ULK4: variants seen among roughly 807,000 people sequenced by gnomAD.
ULK4 encodes unc-51 like kinase 4.
Under a neutral mutation model 160.6 loss-of-function variants are expected in ULK4, and 133 were observed. The ratio of observed to expected loss-of-function variants is 0.83; its 90% CI spans 0.72 to 0.96. ULK4 has a LOEUF of 0.96. Among genes scored for constraint, ULK4 ranks in the 40% least tolerant of loss-of-function variants. The pLI is 0.00. For synonymous variants in ULK4, 534 were observed against 539.8 expected (o/e 0.99, Z 0.15); for missense variants, 1,580 against 1,499.5 (o/e 1.05, Z -0.89).
chr3:41,262,151 G>A (rs2078957800), intron 35 of ULK4, among the ~76,000 whole-genome samples: 1 of 152,200 alleles, frequency 6.6e-6, no homozygotes, highest in African/African-American at 2.4e-5. Context: ...TCCCCATGAA[G>A]GGTGTGGCTG....
At chr3:41,712,908 A>C (rs1484454959) in intron 25 of ULK4, among the ~76,000 whole-genome samples, 1 of 151,626 alleles carries the variant, frequency 6.6e-6, no homozygotes, top group Non-Finnish European at 1.5e-5. Flanking sequence ...GAAAAAAAGC[A>C]AAAAAACAAG....
chr3:41,812,796 G>T (rs767802983), intron 19 of ULK4, among the ~76,000 whole-genome samples: 7 of 152,134 alleles, frequency 4.6e-5, no homozygotes, highest in African/African-American at 1.7e-4. Flanking sequence ...TGGGATCACT[G>T]CTGTGTTGAT....
At position 41,463,152 on chromosome 3, in the gene ULK4, A is replaced by G. The variant is rs761261188; in HGVS notation, c.3328T>C (p.Ser1110Pro). ...NNEMAAPLLF[S>P]LLDILHSMLT... ...ATGCTGTGCAAAATATCAAGCAGGG[A>G]AAAGAGCAGTGGAGCTGCCATCTCA... The change falls in exon 33 of 37, where the codon TCC (serine) becomes CCC (proline). Residue 1110 changes from serine to proline, a missense_variant. By Grantham distance (74) the Ser-to-Pro change is moderately conservative. Transcript: ENST00000301831. 39 of 1,613,688 alleles carry G rather than the reference A, an allele frequency of 2.4e-5. No individual in the cohort carries two copies. The highest frequency in any genetic ancestry group is 3.2e-5 in the Non-Finnish European group (38 of 1,179,802).
chr3:41,931,470 TAAAA>T (rs61500854), intron 5 of ULK4, among the ~76,000 whole-genome samples: 3 of 127,000 alleles, frequency 2.4e-5, no homozygotes, highest in African/African-American at 5.8e-5. Context: ...CCCTAGAACT[TAAAA>T]AAAAAAAAAA....
chr3:41,474,279 G>T (rs901087497), intron 32 of ULK4, among the ~76,000 whole-genome samples: 1 of 152,120 alleles, frequency 6.6e-6, no homozygotes, highest in African/African-American at 2.4e-5. Context: ...TTCAGTAAAT[G>T]GTGCTAGGTA....
chr3:41,524,473 G>C (rs778008764), intron 32 of ULK4, among the ~76,000 whole-genome samples: 7 of 152,166 alleles, frequency 4.6e-5, no homozygotes, highest in Non-Finnish European at 8.8e-5. Context: ...GAGTTCAAAA[G>C]AAAGTAAAGA....
At chr3:41,600,049 A>T (rs1310633862) in intron 31 of ULK4, among the ~76,000 whole-genome samples, 11 of 152,176 alleles carry the variant, frequency 7.2e-5, no homozygotes, top group Admixed American at 7.2e-4. Context: ...ATCTTTCTAA[A>T]TGCAAATCTA....
intron 30 of ULK4, among the ~76,000 whole-genome samples, chr3:41,630,739 G>A (rs1223758887): frequency 6.6e-6 from 1 of 152,152 alleles, no homozygotes; most frequent in Non-Finnish European, 1.5e-5. Context: ...ACTTGCCCCT[G>A]GTCCCAGTTC....
chr3:41,671,425 G>T (rs2035533381), intron 29 of ULK4, among the ~76,000 whole-genome samples: 1 of 152,024 alleles, frequency 6.6e-6, no homozygotes, highest in African/African-American at 2.4e-5. Flanking sequence ...AGAGAACAAA[G>T]AAATAAATCA....
chr3:41,571,757 G>C (rs1388509757), intron 31 of ULK4, among the ~76,000 whole-genome samples: 1 of 152,170 alleles, frequency 6.6e-6, no homozygotes, highest in Non-Finnish European at 1.5e-5. Context: ...CTGAATCCCA[G>C]GGTGAAAGGG....
At chr3:41,900,145 T>C (rs1698299369) in intron 13 of ULK4, among the ~76,000 whole-genome samples, 2 of 152,128 alleles carry the variant, frequency 1.3e-5, no homozygotes, top group African/African-American at 4.8e-5. Context: ...AAGTATTATA[T>C]TCCAAAAGAC....
chr3:41,367,889 A>G (rs1165450520), intron 35 of ULK4, among the ~76,000 whole-genome samples: 2 of 152,176 alleles, frequency 1.3e-5, no homozygotes, highest in Non-Finnish European at 2.9e-5. Flanking sequence ...AGGTATACAC[A>G]TATGCATACA....
intron 21 of ULK4, among the ~76,000 whole-genome samples, chr3:41,757,478 A>G (rs1475035199): frequency 6.6e-6 from 1 of 151,574 alleles, no homozygotes; most frequent in Non-Finnish European, 1.5e-5. Flanking sequence ...TAAAAATACA[A>G]AAAATTAGCC....
intron 32 of ULK4, among the ~76,000 whole-genome samples, chr3:41,552,652 TA>T (rs2087116965): frequency 6.6e-6 from 1 of 151,904 alleles, no homozygotes. Flanking sequence ...TTAATATTGT[TA>T]AAATGATCAT....
In ULK4 at chr3:41,615,700, T is replaced by G; in HGVS notation, c.3089A>C (p.Lys1030Thr). 2 of 1,613,380 alleles carry G rather than the reference T, an allele frequency of 1.2e-6. No homozygotes were observed. The highest frequency in any genetic ancestry group is 1.7e-6 in the Non-Finnish European group (2 of 1,179,676). The change falls in exon 31 of 37, where the codon AAA becomes ACA. Residue 1030 changes from lysine (K) to threonine (T), a missense_variant. Physicochemically the swap from Lys to Thr is moderately conservative, Grantham distance 78. Coordinates refer to ENST00000301831, the MANE Select transcript of ULK4 (RefSeq NM_017886.4). ...TACTTCAAAAATGAGTGGGATCAGT[T>G]TGCTTTCTTCCACAAGTCTGTTAAA... ...PTFTRLVEES[K>T]LIPLIFEVTL...
chr3:41,772,993 AG>A (rs2039454876), intron 21 of ULK4, among the ~76,000 whole-genome samples: 1 of 152,246 alleles, frequency 6.6e-6, no homozygotes. Flanking sequence ...CAATAGATGC[AG>A]AAAAGGTCTT....
chr3:41,735,558 G>C (rs6792415), intron 22 of ULK4, among the ~76,000 whole-genome samples: 20,147 of 151,860 alleles, frequency 0.13, 4,348 homozygotes, highest in African/African-American at 0.45. Context: ...CATGTAAATT[G>C]TAGATATCCA....
At chr3:41,774,131 C>G (rs2039513768) in intron 21 of ULK4, among the ~76,000 whole-genome samples, 1 of 152,048 alleles carries the variant, frequency 6.6e-6, no homozygotes, top group Non-Finnish European at 1.5e-5. Context: ...AGAAGAAAAC[C>G]TAGGCATTAC....
chr3:41,409,621 G>A (rs977668006), intron 34 of ULK4, among the ~76,000 whole-genome samples: 1 of 152,060 alleles, frequency 6.6e-6, no homozygotes, highest in Non-Finnish European at 1.5e-5. Context: ...ATAAGAACAG[G>A]AAAAGATGCT....
Sources: gnomAD v4.1 joint callset for allele counts (sites outside exome capture counted in the v4.1 genomes callset) on GRCh38, gnomAD v4.1.1 for gene constraint, MANE v1.5 for transcripts, NCBI Gene and HGNC (gene_info 2026-07-23, HGNC 2026-07-21) for gene names.